Variants in UEVLD observed in about 807,000 individuals in gnomAD.
UEVLD encodes UEV and lactate/malate dehyrogenase domains.
Under a neutral mutation model 58.6 loss-of-function variants are expected in UEVLD, and 47 were observed. That is an observed-to-expected ratio of 0.80 (90% CI 0.63 to 1.02). The LOEUF (loss-of-function observed/expected upper bound fraction) is 1.02. Ranked by LOEUF, UEVLD falls within the 50% of genes least tolerant of loss-of-function variation. The pLI is 0.00. For missense variants in UEVLD, 510 were observed against 550.6 expected, an observed-to-expected ratio of 0.93 and a Z score of 0.74; for synonymous variants, 197 against 195.3, an observed-to-expected ratio of 1.01 and a Z score of -0.07.
chr11:18,555,417 CTG>C (rs1851716462), intron 7 of UEVLD, among the ~76,000 whole-genome samples: 1 of 149,458 alleles, frequency 6.7e-6, no homozygotes, highest in Non-Finnish European at 1.5e-5. Flanking sequence ...AAGTGCGAGA[CTG>C]TCTTAAAAAA....
At chr11:18,550,166 C>G (rs538543864) in intron 7 of UEVLD, among the ~76,000 whole-genome samples, 128 of 152,128 alleles carry the variant, frequency 8.4e-4, no homozygotes, top group Non-Finnish European at 1.5e-3. Flanking sequence ...TTAAAGTTTT[C>G]TTTTAGACAT....
chr11:18,577,764 C>G (rs755067619), intron 2 of UEVLD, among the ~76,000 whole-genome samples: 5 of 150,794 alleles, frequency 3.3e-5, no homozygotes, highest in Non-Finnish European at 5.9e-5. Flanking sequence ...CCCAGCTACT[C>G]GGAAGGCTGA....
intron 10 of UEVLD, among the ~76,000 whole-genome samples, chr11:18,535,132 C>T (rs1444296534): frequency 2.0e-5 from 3 of 152,114 alleles, no homozygotes; most frequent in Non-Finnish European, 2.9e-5. Context: ...TATTATTATA[C>T]ATTTGTAGAA....
intron 5 of UEVLD, among the ~76,000 whole-genome samples, chr11:18,565,350 C>T (rs1275708282): frequency 6.6e-6 from 1 of 152,034 alleles, no homozygotes; most frequent in African/African-American, 2.4e-5. Context: ...AACACCTTAC[C>T]AAATGTTTCA....
At chr11:18,560,850 A>G (rs1851998295) in intron 6 of UEVLD, among the ~76,000 whole-genome samples, 1 of 152,072 alleles carries the variant, frequency 6.6e-6, no homozygotes, top group Non-Finnish European at 1.5e-5. Flanking sequence ...GTCTCTCCCA[A>G]AAATACAAAA....
chr11:18,585,081 G>A (rs746807531), intron 1 of UEVLD, among the ~76,000 whole-genome samples: 1 of 152,032 alleles, frequency 6.6e-6, no homozygotes, highest in Non-Finnish European at 1.5e-5. Context: ...AATTGAGATA[G>A]GGTCTTGCCA....
In UEVLD at chr11:18,553,760, A is replaced by G. The variant is rs1249567589; in HGVS notation, c.715+4468T>C. On this transcript the variant is annotated intron_variant, in intron 7 of 11. Coordinates refer to ENST00000396197, the MANE Select transcript of UEVLD (RefSeq NM_001040697.4). ...CGAAGTGACACAAAAGTCACATACT[A>G]TATGATTCCATTTATATAAATTAGC... Among the ~76,000 whole-genome samples, 5 of 152,216 alleles carry G rather than the reference A, an allele frequency of 3.3e-5. 1 individual carries two copies. The highest frequency in any genetic ancestry group is 7.3e-5 in the Non-Finnish European group (5 of 68,038).
At chr11:18,588,507 C>G in intron 1 of UEVLD, 106 bp downstream of exon 1, 2 of 1,371,704 alleles carry the variant, frequency 1.5e-6, no homozygotes, top group Non-Finnish European at 9.9e-7. Flanking sequence ...CGGCTCCAAG[C>G]CCCACTACAA....
intron 3 of UEVLD, among the ~76,000 whole-genome samples, chr11:18,574,186 G>C (rs1337532486): frequency 6.6e-6 from 1 of 152,244 alleles, no homozygotes; most frequent in Non-Finnish European, 1.5e-5. Flanking sequence ...CTGTCACTCA[G>C]GCTGGAGTGC....
intron 3 of UEVLD, 69 bp from the exon 4 acceptor site, chr11:18,570,446 G>A (rs1169332088): frequency 4.3e-6 from 6 of 1,381,154 alleles, no homozygotes; most frequent in Non-Finnish European, 5.7e-6. Context: ...TAGCTAGGCG[G>A]CATTTTAAGA....
Position 18,548,547 on chromosome 11 carries a change from C to T in UEVLD, c.716-1497G>A, listed in dbSNP as rs527626676. Among the ~76,000 whole-genome samples, 4 of 152,312 alleles carry T rather than the reference C, an allele frequency of 2.6e-5. No individual in the cohort carries two copies. In the East Asian group the frequency reaches 7.7e-4, roughly 29 times the overall value. On this transcript the variant is annotated intron_variant, in intron 7 of 11. Transcript: ENST00000396197. Reference sequence around the variant, plus strand: ...GGTTCAAGTGATTCTCCTGCCTCAGCCTCCCAAGTAGCTGGGATTACAGGC... The same window carrying T: ...GGTTCAAGTGATTCTCCTGCCTCAGTCTCCCAAGTAGCTGGGATTACAGGC...
intron 1 of UEVLD, among the ~76,000 whole-genome samples, chr11:18,579,088 C>T (rs1853097839): frequency 6.6e-6 from 1 of 151,986 alleles, no homozygotes; most frequent in East Asian, 1.9e-4. Context: ...AGGCTGGTCT[C>T]GAACTCCTGA....
intron 4 of UEVLD, among the ~76,000 whole-genome samples, chr11:18,568,870 G>T (rs1852436332): frequency 6.6e-6 from 1 of 151,948 alleles, no homozygotes; most frequent in Non-Finnish European, 1.5e-5. Flanking sequence ...CTGTCCTCCA[G>T]CCCTACTAGC....
At chr11:18,584,338 G>A (rs1288599206) in intron 1 of UEVLD, among the ~76,000 whole-genome samples, 2 of 152,038 alleles carry the variant, frequency 1.3e-5, no homozygotes, top group Non-Finnish European at 2.9e-5. Flanking sequence ...AGCTATGATG[G>A]TACCACTGCA....
At chr11:18,537,499 T>C (rs1008274320) in intron 9 of UEVLD, among the ~76,000 whole-genome samples, 1 of 150,980 alleles carries the variant, frequency 6.6e-6, no homozygotes, top group Non-Finnish European at 1.5e-5. Flanking sequence ...CCTGGCTAAT[T>C]TTTGTATTTT....
At chr11:18,547,420 G>A (rs1006098145) in intron 7 of UEVLD, among the ~76,000 whole-genome samples, 5 of 152,126 alleles carry the variant, frequency 3.3e-5, no homozygotes, top group African/African-American at 1.2e-4. Flanking sequence ...AGCTACTCAG[G>A]AGGCTGAGGC....
intron 6 of UEVLD, chr11:18,563,952 C>A: frequency 3.6e-6 from 1 of 279,084 alleles, no homozygotes; most frequent in South Asian, 3.4e-5. Flanking sequence ...CTGTAGTGAG[C>A]CAAGATTGTA....
chr11:18,556,073 A>G (rs956616818), intron 7 of UEVLD, among the ~76,000 whole-genome samples: 2 of 152,240 alleles, frequency 1.3e-5, no homozygotes, highest in Non-Finnish European at 2.9e-5. Flanking sequence ...GGCAAGCACC[A>G]TGCACTACAC....
At chr11:18,560,137 A>ACACACACACACACACAC in intron 6 of UEVLD, among the ~76,000 whole-genome samples, 1 of 80,240 alleles carries the variant, frequency 1.2e-5, no homozygotes, top group South Asian at 4.6e-4. Flanking sequence ...ACACACACAC[A>ACACACACACACACACAC]CAGAGAGAGA....
Sources: gnomAD v4.1 joint callset for allele counts (sites outside exome capture counted in the v4.1 genomes callset) on GRCh38, gnomAD v4.1.1 for gene constraint, MANE v1.5 for transcripts, NCBI Gene and HGNC (gene_info 2026-07-23, HGNC 2026-07-21) for gene names.